Variants in MBD5 observed in about 807,000 individuals in gnomAD.
MBD5 encodes the protein methyl-CpG-binding domain protein 5.
In MBD5, 13 loss-of-function variants were observed where a neutral mutation model predicts 117.3. The ratio of observed to expected loss-of-function variants is 0.11; its 90% CI spans 0.07 to 0.18. MBD5 has a LOEUF of 0.18. Ranked by LOEUF, MBD5 falls within the 10% of genes least tolerant of loss-of-function variation. The pLI is 1.00. For synonymous variants in MBD5, 727 were observed against 766.4 expected, an observed-to-expected ratio of 0.95 and a Z score of 0.85; for missense variants, 1,879 against 2,093.8, an observed-to-expected ratio of 0.90 and a Z score of 2.00.
chr2:148,448,337 A>G (rs1176466153), intron 4 of MBD5, among the ~76,000 whole-genome samples: 1 of 151,960 alleles, frequency 6.6e-6, no homozygotes, highest in Non-Finnish European at 1.5e-5. Flanking sequence ...TATCTTGAAC[A>G]TTTAATTATA....
At chr2:148,156,483 G>A (rs966358588) in intron 1 of MBD5, among the ~76,000 whole-genome samples, 1 of 152,176 alleles carries the variant, frequency 6.6e-6, no homozygotes, top group Non-Finnish European at 1.5e-5. Flanking sequence ...ATCATCTTCT[G>A]TAAGAATCTT....
intron 1 of MBD5, among the ~76,000 whole-genome samples, chr2:148,144,787 A>G (rs1382313619): frequency 2.0e-5 from 3 of 152,010 alleles, no homozygotes; most frequent in Non-Finnish European, 4.4e-5. Context: ...TGAGGGCTCT[A>G]TTCTGTTCCA....
chr2:148,280,715 C>T (rs1003300314), intron 3 of MBD5, among the ~76,000 whole-genome samples: 1 of 152,174 alleles, frequency 6.6e-6, no homozygotes, highest in African/African-American at 2.4e-5. Context: ...CAGGCATGAG[C>T]CACCATGCCT....
chr2:148,469,278 G>C lies in MBD5; in HGVS notation c.1335G>C (p.Met445Ile), dbSNP rs748835022. The C allele has an allele frequency of 2.1e-5, 34 of 1,613,912 alleles. No homozygotes were observed. Among genetic ancestry groups the C allele is most frequent in the South Asian group, 1.1e-4 (10 of 91,076 alleles). Residue 445 changes from methionine to isoleucine, a missense_variant, in exon 8 of 14, where the codon ATG becomes ATC. Transcript: ENST00000642680. ...SPSPVTSPVH[M>I]MGTGIGRIEA... The stretch of plus-strand genomic sequence containing the variant: ...CTCCAGTGACATCCCCCGTGCACAT[G>C]ATGGGGACTGGAATTGGAAGGATTG...
chr2:148,349,509 T>C (rs1246004651), intron 4 of MBD5, among the ~76,000 whole-genome samples: 1 of 151,998 alleles, frequency 6.6e-6, no homozygotes, highest in Non-Finnish European at 1.5e-5. Context: ...TGTAAATATG[T>C]TTTTAAAAAG....
chr2:148,387,649 A>G (rs1704417182), intron 4 of MBD5, among the ~76,000 whole-genome samples: 1 of 152,090 alleles, frequency 6.6e-6, no homozygotes, highest in Admixed American at 6.5e-5. Flanking sequence ...AAATAATTAG[A>G]AATAATAGAA....
intron 1 of MBD5, among the ~76,000 whole-genome samples, chr2:148,116,235 AAT>A (rs1209272406): frequency 4.0e-5 from 6 of 151,650 alleles, no homozygotes; most frequent in African/African-American, 1.5e-4. Context: ...ACATATTGGA[AAT>A]ATAGAGTTCT....
chr2:148,154,603 C>G (rs896238156), intron 1 of MBD5, among the ~76,000 whole-genome samples: 1 of 152,208 alleles, frequency 6.6e-6, no homozygotes, highest in African/African-American at 2.4e-5. Flanking sequence ...GCTTAGGACC[C>G]TCTGAGCCAG....
At chr2:148,102,721 CACACACACAGAGAGAGAG>C (rs1251895379) in intron 1 of MBD5, among the ~76,000 whole-genome samples, 8 of 90,880 alleles carry the variant, frequency 8.8e-5, no homozygotes, top group Non-Finnish European at 1.4e-4. Context: ...CACACACACA[CACACACACAGAGAGAGAG>C]AGAGAGAGAG....
chr2:148,304,340 C>T (rs1304795472), intron 3 of MBD5, among the ~76,000 whole-genome samples: 1 of 152,070 alleles, frequency 6.6e-6, no homozygotes, highest in African/African-American at 2.4e-5. Context: ...AAGTAAGTAC[C>T]TGAGCCAAAA....
rs73017112 is a variant in MBD5, at chr2:148,407,759, T to C, written c.-556-50444T>C. The stretch of plus-strand genomic sequence containing the variant: ...GTTTATTTGAGGGTTTCAGGGCTAT[T>C]TTCTTATACATTTGTTAAATTCCTT... On this transcript the variant is annotated intron_variant, in intron 4 of 13. Coordinates refer to ENST00000642680, the MANE Select transcript of MBD5 (RefSeq NM_001378120.1). Among the ~76,000 whole-genome samples the C allele has an allele frequency of 4.1e-3, 627 of 152,304 alleles. 6 individuals carry two copies. Among genetic ancestry groups the C allele is most frequent in the African/African-American group, 0.014 (587 of 41,564 alleles).
intron 3 of MBD5, among the ~76,000 whole-genome samples, chr2:148,253,125 C>G (rs1200566645): frequency 6.6e-6 from 1 of 152,072 alleles, no homozygotes; most frequent in Non-Finnish European, 1.5e-5. Flanking sequence ...ACCTAATGGC[C>G]TGGTACTTCA....
At chr2:148,387,723 G>C (rs547698770) in intron 4 of MBD5, among the ~76,000 whole-genome samples, 1 of 151,828 alleles carries the variant, frequency 6.6e-6, no homozygotes, top group Non-Finnish European at 1.5e-5. Context: ...ACAAAAATAA[G>C]TTGCATTTCT....
At chr2:148,250,567 T>C (rs1297225025) in intron 3 of MBD5, among the ~76,000 whole-genome samples, 2 of 152,210 alleles carry the variant, frequency 1.3e-5, no homozygotes, top group Admixed American at 6.5e-5. Flanking sequence ...ATAGAGATTA[T>C]GAAATTTAGA....
chr2:148,307,748 C>T (rs557688407), intron 3 of MBD5, among the ~76,000 whole-genome samples: 3 of 152,216 alleles, frequency 2.0e-5, no homozygotes, highest in South Asian at 2.1e-4. Flanking sequence ...CCCATCAACC[C>T]GTCATCTACA....
At chr2:148,294,783 G>A (rs1701610964) in intron 3 of MBD5, among the ~76,000 whole-genome samples, 1 of 152,142 alleles carries the variant, frequency 6.6e-6, no homozygotes, top group African/African-American at 2.4e-5. Context: ...TGGGATTACA[G>A]GCGTGAGCCA....
chr2:148,060,899 T>C (rs917547553), intron 1 of MBD5, among the ~76,000 whole-genome samples: 1 of 152,134 alleles, frequency 6.6e-6, no homozygotes, highest in Non-Finnish European at 1.5e-5. Context: ...AGGCTCTATA[T>C]GTTTCCAGTA....
chr2:148,433,122 T>A (rs1706042994), intron 4 of MBD5, among the ~76,000 whole-genome samples: 1 of 152,180 alleles, frequency 6.6e-6, no homozygotes, highest in Non-Finnish European at 1.5e-5. Context: ...ATTCTTTTTG[T>A]GGCAATTGTG....
chr2:148,422,779 G>A (rs1360080158), intron 4 of MBD5, among the ~76,000 whole-genome samples: 9 of 152,112 alleles, frequency 5.9e-5, no homozygotes, highest in African/African-American at 1.4e-4. Flanking sequence ...CGAGAACTTC[G>A]TGAAGCATAC....
Sources: allele counts gnomAD v4.1 joint callset (sites outside exome capture counted in the v4.1 genomes callset), GRCh38; gene constraint gnomAD v4.1.1; transcripts MANE v1.5; gene names NCBI Gene and HGNC (gene_info 2026-07-23, HGNC 2026-07-21).